The following SRPX2 variants were observed in gnomAD, a reference collection of about 807,000 sequenced individuals.
SRPX2 encodes sushi repeat containing protein X-linked 2.
SRPX2 carries 26 observed loss-of-function variants against 45.3 expected under a neutral mutation model. That is an observed-to-expected ratio of 0.57 (90% CI 0.42 to 0.80). SRPX2 has a LOEUF of 0.80. SRPX2 is among the 30% of genes least tolerant of loss of function. The probability of loss-of-function intolerance (pLI) is 0.00; values close to 1 mark genes in which losing one functional copy is unlikely to be tolerated. For synonymous variants in SRPX2, 125 were observed against 143.7 expected (o/e 0.87, Z 0.93); for missense variants, 355 against 399.8 (o/e 0.89, Z 0.95).
At chrX:100,662,508 A>T (rs1419012567) in intron 4 of SRPX2, 141 bp downstream of exon 4, 26 of 704,289 alleles carry the variant, frequency 3.7e-5, no homozygotes, top group Non-Finnish European at 5.0e-5. Flanking sequence ...GCCCCCCAGC[A>T]GGGCCTTTCC....
chrX:100,648,037 CTT>C (rs1394829527), intron 2 of SRPX2, among the ~76,000 whole-genome samples: 1 of 112,611 alleles, frequency 8.9e-6, no homozygotes, highest in Non-Finnish European at 1.9e-5. Context: ...ATTGAGGACT[CTT>C]TATGCATCCA....
chrX:100,673,178 A>T lies in SRPX2; in HGVS notation c.*2191A>T, dbSNP rs189652531. The stretch of plus-strand genomic sequence containing the variant: ...CGTTGTCTTTATCACTAACACTTCA[A>T]ATGGGGCAAGCCAGGACATACTAGC... On this transcript the variant is annotated 3_prime_UTR_variant, in exon 11 of 11. Coordinates refer to ENST00000373004, the MANE Select transcript of SRPX2 (RefSeq NM_014467.3). The T allele has an allele frequency of 1.1e-3, 120 of 111,767 alleles. 2 individuals are homozygous for T. In the Admixed American group the frequency reaches 0.011, roughly 10 times the overall value. 9.2% of individuals were successfully genotyped at this position (111,767 alleles called of 1,213,427 possible). A position where few individuals can be genotyped will look rare whatever the true frequency, so the allele number is the denominator to read the frequency against.
intron 3 of SRPX2, among the ~76,000 whole-genome samples, chrX:100,659,533 T>C (rs1324666052): frequency 8.9e-6 from 1 of 111,760 alleles, no homozygotes; most frequent in Non-Finnish European, 1.9e-5. Context: ...CTTTGTGATA[T>C]GTGTTGTGGC....
At chrX:100,666,559 C>G (rs1371565536) in intron 7 of SRPX2, among the ~76,000 whole-genome samples, 195 bp from the exon 8 acceptor site, 1 of 112,414 alleles carries the variant, frequency 8.9e-6, no homozygotes, top group Non-Finnish European at 1.9e-5. Flanking sequence ...CTTTACAAAC[C>G]TTTGTCTGCA....
rs2083233282 is a variant in SRPX2, at chrX:100,672,819, T to C, written c.*1832T>C. 8.9e-6 allele frequency: 1 copy of C among 111,940 alleles called. No individual in the cohort carries two copies. The highest frequency in any genetic ancestry group is 3.3e-5 in the African/African-American group (1 of 30,743). The allele number at this position is 111,940 out of a possible 1,213,427, so 9.2% of individuals were successfully genotyped here. A position where few individuals can be genotyped will look rare whatever the true frequency, so the allele number is the denominator to read the frequency against. ...AAATTCAGTCTTGAAAGCGGAGTGATGGGACATAAATCATGAGCCCAGAAC... is the reference window on the plus strand; with the variant it reads ...AAATTCAGTCTTGAAAGCGGAGTGACGGGACATAAATCATGAGCCCAGAAC... On this transcript the variant is annotated 3_prime_UTR_variant, in exon 11 of 11. Coordinates refer to ENST00000373004, the MANE Select transcript of SRPX2 (RefSeq NM_014467.3).
intron 3 of SRPX2, among the ~76,000 whole-genome samples, chrX:100,661,748 C>T (rs983386236): frequency 9.0e-5 from 10 of 111,672 alleles, no homozygotes; most frequent in African/African-American, 2.9e-4. Flanking sequence ...CCAGCCTGGG[C>T]GAGAGTGAGA....
chrX:100,658,207 T>C (rs1248417511), intron 3 of SRPX2, among the ~76,000 whole-genome samples: 1 of 112,119 alleles, frequency 8.9e-6, no homozygotes, highest in Non-Finnish European at 1.9e-5. Flanking sequence ...CCTGAGGAGT[T>C]TTCCCTATGT....
intron 10 of SRPX2, 68 bp from the exon 11 acceptor site, chrX:100,670,739 G>A (rs1244510942): frequency 1.1e-5 from 13 of 1,152,961 alleles, no homozygotes; most frequent in South Asian, 1.8e-5. Context: ...AAAAGTCAGA[G>A]GGTAGTAGAG....
Position 100,670,818 on chromosome X carries a change from G to A in SRPX2, c.1229G>A (p.Arg410His), listed in dbSNP as rs368571175. 4.0e-5 allele frequency: 48 copies of A among 1,209,206 alleles called. No individual in the cohort carries two copies. The highest frequency in any genetic ancestry group is 3.7e-4 in the South Asian group (21 of 56,712). The change falls in exon 11 of 11, where the codon CGC becomes CAC. Residue 410 changes from arginine to histidine, a missense_variant. Arg to His is a conservative substitution (Grantham distance 29, BLOSUM62 0). Transcript: ENST00000373004. ...GCTGTTCTCTCTAGGCAATTTCAGC[G>A]CCTCACTCGCTCCTACTTCAACATG... ...NIIEELRQFQRLTRSYFNMVL... is the reference protein window; with the variant it reads ...NIIEELRQFQHLTRSYFNMVL...
rs191710572 is a variant in SRPX2, at chrX:100,667,548, G to T, written c.1095+141G>T. 7.6e-5 allele frequency: 60 copies of T among 793,272 alleles called. No homozygotes were observed. The African/African-American group carries it at 8.5e-4, about 11-fold the overall frequency. The allele number at this position is 793,272 out of a possible 1,213,427, so 65.4% of individuals were successfully genotyped here. On this transcript the variant is annotated intron_variant, in intron 9 of 10. Transcript: ENST00000373004. Reference sequence around the variant, plus strand: ...ATAGCATTTGATCAGTTTTACCATAGACATATTTAGCACATTTAAAAAACT... The same window carrying T: ...ATAGCATTTGATCAGTTTTACCATATACATATTTAGCACATTTAAAAAACT...
intron 3 of SRPX2, among the ~76,000 whole-genome samples, chrX:100,655,406 G>C (rs1026484665): frequency 1.8e-5 from 2 of 111,002 alleles, no homozygotes; most frequent in African/African-American, 6.6e-5. Flanking sequence ...ACTAAGTCGG[G>C]GTGGGCATGG....
At chrX:100,663,161 C>T (rs924157237) in intron 4 of SRPX2, among the ~76,000 whole-genome samples, 2 of 110,117 alleles carry the variant, frequency 1.8e-5, no homozygotes, top group Non-Finnish European at 3.8e-5. Context: ...ACGCTGTAGA[C>T]GAGAAAAGAA....
rs757158053 is a variant in SRPX2 at position 100,670,877 on chromosome X, C to T, written c.1288C>T (p.Arg430Cys). ...LIDKQGIDRD[R>C]YMEPVTPEEI... is the part of the protein sequence containing the mutation. ...TGACAAGCAGGGTATTGACCGAGAC[C>T]GCTACATGGAACCTGTCACCCCCGA... Residue 430 changes from arginine to cysteine, a missense_variant, in exon 11 of 11, where the codon CGC becomes TGC. Coordinates refer to ENST00000373004, the MANE Select transcript of SRPX2 (RefSeq NM_014467.3). 1.7e-5 allele frequency: 20 copies of T among 1,209,443 alleles called. No individual in the cohort carries two copies. The highest frequency in any genetic ancestry group is 2.2e-5 in the Non-Finnish European group (20 of 895,166).
chrX:100,658,439 G>T (rs1404237826), intron 3 of SRPX2, among the ~76,000 whole-genome samples: 1 of 111,676 alleles, frequency 9.0e-6, no homozygotes, highest in Non-Finnish European at 1.9e-5. Context: ...ATTTATTTCT[G>T]GGTTTGCTAT....
intron 3 of SRPX2, among the ~76,000 whole-genome samples, chrX:100,660,268 A>G (rs1056558452): frequency 2.7e-5 from 3 of 111,598 alleles, no homozygotes; most frequent in African/African-American, 9.8e-5. Flanking sequence ...CCATCACTTC[A>G]AAATCTTGCC....
At chrX:100,669,111 A>G in intron 9 of SRPX2, 137 bp from the exon 10 acceptor site, 2 of 820,818 alleles carry the variant, frequency 2.4e-6, no homozygotes, top group East Asian at 6.6e-5. Context: ...TAGACCCCAC[A>G]GTGTGATTGC....
intron 3 of SRPX2, among the ~76,000 whole-genome samples, chrX:100,657,848 G>A (rs2083175586): frequency 9.0e-6 from 1 of 110,917 alleles, no homozygotes; most frequent in Non-Finnish European, 1.9e-5. Flanking sequence ...TTTTGGAGAC[G>A]GAGTCTCCTG....
At position 100,669,272 on chromosome X, in the gene SRPX2, C is replaced by T. The variant is rs370685595; in HGVS notation, c.1120C>T (p.Arg374Trp). ...LQQSTCGLDLRHVTIIELVGQ... is the reference protein window; with the variant it reads ...LQQSTCGLDLWHVTIIELVGQ... Reference sequence around the variant, plus strand: ...GCAATCCACCTGTGGACTGGATTTGCGGCATGTGACCATCATTGAACTGGT... The same window carrying T: ...GCAATCCACCTGTGGACTGGATTTGTGGCATGTGACCATCATTGAACTGGT... The change falls in exon 10 of 11, where the codon CGG (arginine) becomes TGG (tryptophan). Residue 374 changes from arginine (R) to tryptophan (W), a missense_variant. Physicochemically the swap from Arg to Trp is moderately radical, Grantham distance 101 (BLOSUM62 -3). Transcript: ENST00000373004. The T allele has an allele frequency of 7.5e-6, 9 of 1,207,374 alleles. No homozygotes were observed. Among genetic ancestry groups the T allele is most frequent in the South Asian group, 3.5e-5 (2 of 56,605 alleles).
At chrX:100,648,415 T>C (rs770820967) in intron 2 of SRPX2, among the ~76,000 whole-genome samples, 7 of 111,926 alleles carry the variant, frequency 6.3e-5, no homozygotes, top group African/African-American at 2.3e-4. Context: ...CAAGCACTGA[T>C]TGATCTAAAG....
Sources: gnomAD v4.1 joint callset for allele counts (sites outside exome capture counted in the v4.1 genomes callset) on GRCh38, gnomAD v4.1.1 for gene constraint, MANE v1.5 for transcripts, NCBI Gene and HGNC (gene_info 2026-07-23, HGNC 2026-07-21) for gene names.